TTLL5: variants seen among roughly 807,000 people sequenced by gnomAD.
TTLL5 encodes tubulin polyglutamylase TTLL5.
In TTLL5, 132 loss-of-function variants were observed where a neutral mutation model predicts 168.4. The ratio of observed to expected loss-of-function variants is 0.78; its 90% CI spans 0.68 to 0.91. TTLL5 has a LOEUF of 0.91. Ranked by LOEUF, TTLL5 falls within the 40% of genes least tolerant of loss-of-function variation. The pLI is 0.00. For missense variants in TTLL5, 1,545 were observed against 1,581.5 expected (o/e 0.98, Z 0.39); for synonymous variants, 546 against 558.6 (o/e 0.98, Z 0.32).
chr14:75,882,031 A>G (rs1417517546), intron 29 of TTLL5, among the ~76,000 whole-genome samples: 23 of 152,230 alleles, frequency 1.5e-4, no homozygotes, highest in Non-Finnish European at 3.2e-4. Flanking sequence ...TAGCATTTGT[A>G]TAGTAATTTT....
chr14:75,879,288 A>G (rs777336271), intron 29 of TTLL5, among the ~76,000 whole-genome samples: 9 of 152,228 alleles, frequency 5.9e-5, no homozygotes, highest in South Asian at 2.1e-4. Flanking sequence ...GAGCCTAAAC[A>G]TATGTTTCCG....
At chr14:75,728,581 C>G (rs1232328510) in intron 12 of TTLL5, among the ~76,000 whole-genome samples, 2 of 152,026 alleles carry the variant, frequency 1.3e-5, no homozygotes, top group Non-Finnish European at 2.9e-5. Context: ...TGTTGAATAC[C>G]TGTGGAATAT....
chr14:75,929,161 T>G (rs2034188506), intron 31 of TTLL5, among the ~76,000 whole-genome samples: 1 of 152,168 alleles, frequency 6.6e-6, no homozygotes, highest in Non-Finnish European at 1.5e-5. Flanking sequence ...ATGAAGTGTT[T>G]AGAATAAAAC....
intron 28 of TTLL5, among the ~76,000 whole-genome samples, chr14:75,846,529 G>A (rs1896549579): frequency 6.6e-6 from 1 of 152,212 alleles, no homozygotes; most frequent in African/African-American, 2.4e-5. Flanking sequence ...GGTGGCTCAT[G>A]CCTGTAATCC....
chr14:75,772,054 A>G (rs755331463), intron 21 of TTLL5, among the ~76,000 whole-genome samples, 200 bp downstream of exon 21: 2 of 152,152 alleles, frequency 1.3e-5, no homozygotes, highest in African/African-American at 2.4e-5. Flanking sequence ...ATGTGAAGCA[A>G]ATCTTTGACC....
intron 28 of TTLL5, among the ~76,000 whole-genome samples, chr14:75,834,947 A>C (rs1407204289): frequency 6.6e-6 from 1 of 152,134 alleles, no homozygotes; most frequent in African/African-American, 2.4e-5. Flanking sequence ...ATGTGCCTGT[A>C]GTTCCAGCTA....
At chr14:75,903,900 TAAA>T (rs778868581) in intron 31 of TTLL5, among the ~76,000 whole-genome samples, 4 of 130,848 alleles carry the variant, frequency 3.1e-5, no homozygotes, top group Admixed American at 1.6e-4. Context: ...ACCTCTAATT[TAAA>T]AAAAAAAAAA....
Position 75,863,797 on chromosome 14 carries a change from C to A in TTLL5, c.3457C>A (p.Gln1153Lys). The A allele has an allele frequency of 6.2e-7, 1 of 1,609,106 alleles. No individual in the cohort carries two copies. The highest frequency in any genetic ancestry group is 8.5e-7 in the Non-Finnish European group (1 of 1,177,756). Reference sequence around the variant, plus strand: ...CAGCTATCAGCTTCAATTTGCCCTGCAGCAACTTGAACAACAAAAACTTCA... The same window carrying A: ...CAGCTATCAGCTTCAATTTGCCCTGAAGCAACTTGAACAACAAAAACTTCA... ...AGSYQLQFAL[Q>K]QLEQQKLQSR... The change falls in exon 29 of 32, where the codon CAG (glutamine) becomes AAG (lysine). Residue 1153 changes from glutamine (Q) to lysine (K), a missense_variant. Coordinates refer to ENST00000298832, the MANE Select transcript of TTLL5 (RefSeq NM_015072.5).
intron 30 of TTLL5, among the ~76,000 whole-genome samples, chr14:75,898,572 G>A (rs547192117): frequency 6.6e-6 from 1 of 152,272 alleles, no homozygotes; most frequent in African/African-American, 2.4e-5. Context: ...AGCCCAGGAA[G>A]TTGAGGCTGC....
At chr14:75,773,957 A>AAGAGAGAAAG (rs1891539585) in intron 21 of TTLL5, among the ~76,000 whole-genome samples, 11 of 43,352 alleles carry the variant, frequency 2.5e-4, no homozygotes, top group South Asian at 1.1e-3. Flanking sequence ...GAGAGAGAGA[A>AAGAGAGAAAG]AGAGAGAGAG....
chr14:75,665,767 G>A (rs1011853859), intron 2 of TTLL5, among the ~76,000 whole-genome samples: 4 of 152,128 alleles, frequency 2.6e-5, no homozygotes, highest in South Asian at 4.2e-4. Flanking sequence ...CAGGTGAATC[G>A]CTTGAACCTG....
chr14:75,810,132 A>C (rs936953919), intron 27 of TTLL5, among the ~76,000 whole-genome samples: 2 of 152,188 alleles, frequency 1.3e-5, no homozygotes, highest in African/African-American at 4.8e-5. Flanking sequence ...TGGCAAGCCC[A>C]GAGTAGGTGC....
At chr14:75,793,485 A>T (rs924557420) in intron 27 of TTLL5, among the ~76,000 whole-genome samples, 15 of 152,236 alleles carry the variant, frequency 9.9e-5, no homozygotes, top group East Asian at 7.7e-4. Flanking sequence ...CTTTAAAAAA[A>T]TTTTTTTCTA....
rs1566598116 is a variant in TTLL5, at chr14:75,773,953, G to GAA, written c.2137-1530_2137-1529insAA. 2.9e-4 allele frequency among the ~76,000 whole-genome samples: 11 copies of GAA among 37,658 alleles called. 1 individual carries two copies. The highest frequency in any genetic ancestry group is 6.8e-4 in the African/African-American group (9 of 13,234). 24.7% of individuals were successfully genotyped at this position (37,658 alleles called of 152,430 possible). A position where few individuals can be genotyped will look rare whatever the true frequency, so the allele number is the denominator to read the frequency against. The stretch of plus-strand genomic sequence containing the variant: ...AGAGAGAGAGAGAGAGAGAGAGAGA[G>GAA]AGAAAGAGAGAGAGAGAGAGAGAGA... On this transcript the variant is annotated intron_variant, in intron 21 of 31. Coordinates refer to ENST00000298832, the MANE Select transcript of TTLL5 (RefSeq NM_015072.5).
Position 75,719,838 on chromosome 14 carries a change from G to GTATCTTTTT in TTLL5, c.934+12_934+13insTATCTTTTT. 6.2e-7 allele frequency: 1 copy of GTATCTTTTT among 1,612,524 alleles called. No individual in the cohort carries two copies. Among genetic ancestry groups the GTATCTTTTT allele is most frequent in the Non-Finnish European group, 8.5e-7 (1 of 1,178,710 alleles). The stretch of plus-strand genomic sequence containing the variant: ...CAGAGATACAACCGGTGAGTACTGG[G>GTATCTTTTT]CCTTTTTCCTTCTTGACTTCTCTTC... On this transcript the variant is annotated intron_variant, in intron 11 of 31. Transcript: ENST00000298832.
chr14:75,671,928 G>A (rs1325156691), intron 3 of TTLL5, among the ~76,000 whole-genome samples: 1 of 152,178 alleles, frequency 6.6e-6, no homozygotes, highest in African/African-American at 2.4e-5. Flanking sequence ...TAGAAAGAGG[G>A]TGTCTTTGTC....
chr14:75,917,380 T>C (rs1304736666), intron 31 of TTLL5, among the ~76,000 whole-genome samples: 1 of 152,252 alleles, frequency 6.6e-6, no homozygotes, highest in East Asian at 1.9e-4. Flanking sequence ...TTCTAGAAGC[T>C]GCTGAACTGC....
intron 28 of TTLL5, among the ~76,000 whole-genome samples, chr14:75,823,724 A>G (rs769141291): frequency 2.6e-5 from 4 of 152,180 alleles, no homozygotes; most frequent in East Asian, 1.9e-4. Context: ...GTTTGTTCCT[A>G]CTTTTTTGTG....
chr14:75,764,871 T>C, intron 19 of TTLL5, 99 bp downstream of exon 19: 1 of 1,375,182 alleles, frequency 7.3e-7, no homozygotes, highest in Non-Finnish European at 1.0e-6. Flanking sequence ...AGAATCTTCC[T>C]GATCACATAC....
Sources: gnomAD v4.1 joint callset for allele counts (sites outside exome capture counted in the v4.1 genomes callset) on GRCh38, gnomAD v4.1.1 for gene constraint, MANE v1.5 for transcripts, NCBI Gene and HGNC (gene_info 2026-07-23, HGNC 2026-07-21) for gene names.